Variants in SLC24A2 observed in about 807,000 individuals in gnomAD.
SLC24A2 encodes the protein sodium/potassium/calcium exchanger 2.
In SLC24A2, 36 loss-of-function variants were observed where a neutral mutation model predicts 62.0. That is an observed-to-expected ratio of 0.58 (90% CI 0.44 to 0.77). The LOEUF (loss-of-function observed/expected upper bound fraction) is 0.77. Among genes scored for constraint, SLC24A2 ranks in the 30% least tolerant of loss-of-function variants. The pLI, the probability that SLC24A2 is intolerant of heterozygous loss-of-function variation, is 0.00. For synonymous variants in SLC24A2, 358 were observed against 294.0 expected (o/e 1.22, Z -2.23); for missense variants, 846 against 817.9 (o/e 1.03, Z -0.42).
chr9:20,139,813 G>A, the SLC24A2 span, among the ~76,000 whole-genome samples: 5 of 152,134 alleles, frequency 3.3e-5, no homozygotes, highest in Non-Finnish European at 7.4e-5. Flanking sequence ...ACACACCAGA[G>A]AACCATTAAA....
the SLC24A2 span, among the ~76,000 whole-genome samples, chr9:20,282,899 C>G: frequency 6.6e-6 from 1 of 152,210 alleles, no homozygotes; most frequent in Non-Finnish European, 1.5e-5. Flanking sequence ...AACCTTGCAT[C>G]TGTATCATTG....
the SLC24A2 span, among the ~76,000 whole-genome samples, chr9:20,163,767 C>T: frequency 6.6e-6 from 1 of 152,148 alleles, no homozygotes; most frequent in Non-Finnish European, 1.5e-5. Context: ...CAGCACGGTA[C>T]TGGTACCAAA....
intron 2 of SLC24A2, among the ~76,000 whole-genome samples, chr9:19,737,446 A>G (rs1431477915): frequency 1.3e-5 from 2 of 152,184 alleles, no homozygotes; most frequent in Non-Finnish European, 2.9e-5. Context: ...AAAGGCATGA[A>G]TAACCCACCA....
the SLC24A2 span, among the ~76,000 whole-genome samples, chr9:20,011,670 T>C: frequency 6.6e-6 from 1 of 152,144 alleles, no homozygotes; most frequent in African/African-American, 2.4e-5. Flanking sequence ...AATTTCCCAA[T>C]TTGGGGAAAG....
At chr9:20,087,354 T>C in the SLC24A2 span, among the ~76,000 whole-genome samples, 2 of 152,112 alleles carry the variant, frequency 1.3e-5, no homozygotes, top group African/African-American at 2.4e-5. Context: ...ATATTAACAA[T>C]AGGAACGTAA....
Position 19,574,927 on chromosome 9 carries a change from G to A in SLC24A2, c.1229-1458C>T, listed in dbSNP as rs531005802. ...CAGAATGCTCATCATTGTCAGATCC[G>A]AGCAGTATCAGCTGCTCATCAAACA... On this transcript the variant is annotated intron_variant, in intron 6 of 10. Transcript: ENST00000341998. 1.9e-3 allele frequency among the ~76,000 whole-genome samples: 294 copies of A among 152,266 alleles called. 3 individuals carry two copies. The highest frequency in any genetic ancestry group is 6.2e-3 in the African/African-American group (257 of 41,558).
At chr9:20,231,865 G>C in the SLC24A2 span, among the ~76,000 whole-genome samples, 1 of 152,204 alleles carries the variant, frequency 6.6e-6, no homozygotes, top group Non-Finnish European at 1.5e-5. Context: ...GATATTGGCT[G>C]TGGGTTTGTC....
chr9:19,869,168 A>T, the SLC24A2 span, among the ~76,000 whole-genome samples: 2 of 151,986 alleles, frequency 1.3e-5, no homozygotes, highest in Non-Finnish European at 2.9e-5. Flanking sequence ...ATTAGTGGAG[A>T]TGAGGTCTCC....
intron 5 of SLC24A2, among the ~76,000 whole-genome samples, chr9:19,580,667 T>G (rs1400178598): frequency 6.6e-6 from 1 of 152,152 alleles, no homozygotes; most frequent in African/African-American, 2.4e-5. Context: ...ATTTCATGCT[T>G]AAATGGAGGT....
chr9:19,978,277 G>C, the SLC24A2 span, among the ~76,000 whole-genome samples: 1 of 152,066 alleles, frequency 6.6e-6, no homozygotes, highest in African/African-American at 2.4e-5. Context: ...ACCATCTTTA[G>C]CAAAAGGACA....
intron 5 of SLC24A2, among the ~76,000 whole-genome samples, chr9:19,595,178 C>A (rs186909681): frequency 3.7e-4 from 57 of 152,280 alleles, no homozygotes; most frequent in Admixed American, 1.2e-3. Context: ...CAGTACACAG[C>A]AGCATAATGA....
intron 10 of SLC24A2, among the ~76,000 whole-genome samples, chr9:19,517,943 ACACACACACACACACT>A (rs1034192978): frequency 8.8e-5 from 13 of 148,560 alleles, no homozygotes; most frequent in East Asian, 4.0e-4. Flanking sequence ...ACACACACAC[ACACACACACACACACT>A]CTCACACTTC....
intron 2 of SLC24A2, among the ~76,000 whole-genome samples, chr9:19,734,365 G>A (rs1821435048): frequency 6.6e-6 from 1 of 152,166 alleles, no homozygotes; most frequent in Non-Finnish European, 1.5e-5. Context: ...ACTTGGCAAT[G>A]CGGGCTCTTT....
chr9:20,015,033 AAT>A, the SLC24A2 span, among the ~76,000 whole-genome samples: 2 of 152,218 alleles, frequency 1.3e-5, no homozygotes, highest in Non-Finnish European at 2.9e-5. Context: ...AAATATTGAT[AAT>A]ATGTTTTAAA....
chr9:20,232,053 G>A, the SLC24A2 span, among the ~76,000 whole-genome samples: 692 of 152,248 alleles, frequency 4.5e-3, 2 homozygotes, highest in Non-Finnish European at 7.8e-3. Flanking sequence ...ATTTGCATAT[G>A]TTGAACCAGC....
At chr9:20,263,867 C>CCG in the SLC24A2 span, among the ~76,000 whole-genome samples, 7 of 109,562 alleles carry the variant, frequency 6.4e-5, no homozygotes, top group Non-Finnish European at 1.3e-4. Context: ...ACCCGCCCCC[C>CCG]CCCCCCCATT....
intron 2 of SLC24A2, among the ~76,000 whole-genome samples, chr9:19,767,135 C>G (rs1000083733): frequency 1.3e-5 from 2 of 152,138 alleles, no homozygotes; most frequent in African/African-American, 2.4e-5. Context: ...ACGGCAGGCA[C>G]CCCTCCCCCG....
chr9:19,546,074 A>T (rs1834551679), intron 8 of SLC24A2, among the ~76,000 whole-genome samples: 1 of 152,180 alleles, frequency 6.6e-6, no homozygotes, highest in Admixed American at 6.5e-5. Context: ...TTCCTCTGGA[A>T]CCTTTGTCTC....
At chr9:19,734,909 A>G (rs1194024423) in intron 2 of SLC24A2, among the ~76,000 whole-genome samples, 3 of 152,078 alleles carry the variant, frequency 2.0e-5, no homozygotes, top group African/African-American at 7.2e-5. Context: ...TAAAAACCCT[A>G]GAAGAAAACC....
Sources: gnomAD v4.1 joint callset for allele counts (sites outside exome capture counted in the v4.1 genomes callset) on GRCh38, gnomAD v4.1.1 for gene constraint, MANE v1.5 for transcripts, NCBI Gene and HGNC (gene_info 2026-07-23, HGNC 2026-07-21) for gene names.